The following ZNF860 variants were observed in gnomAD, a reference collection of about 807,000 sequenced individuals.
The protein encoded by ZNF860 is zinc finger protein 860.
For missense variants in ZNF860, 641 were observed against 759.2 expected (o/e 0.84, Z 1.83); for synonymous variants, 206 against 248.9 (o/e 0.83, Z 1.62).
downstream of ZNF860, among the ~76,000 whole-genome samples, chr3:31,995,235 T>C (rs1005306423): frequency 6.6e-6 from 1 of 152,126 alleles, no homozygotes; most frequent in Non-Finnish European, 1.5e-5. Context: ...GATTTCCCAA[T>C]CCTAGTAAGC....
rs1213021754 is a variant in ZNF860, at chr3:31,989,187, G to T, written c.108G>T (p.Glu36Asp). The T allele has an allele frequency of 1.2e-6, 2 of 1,614,168 alleles. No individual in the cohort carries two copies. The highest frequency in any genetic ancestry group is 1.7e-6 in the Non-Finnish European group (2 of 1,180,030). ...ATGTGGCTATAGAATTCTCTTTGGA[G>T]GAGTGGAAATGCCTGGACCCTACGC... is the stretch of plus-strand genomic sequence containing the variant. ...FRDVAIEFSL[E>D]EWKCLDPTQR... The change falls in exon 2 of 2, where the codon GAG becomes GAT. Residue 36 changes from glutamate (E) to aspartate (D), a missense_variant. Glu to Asp is a conservative substitution (Grantham distance 45). Transcript: ENST00000360311.
At chr3:31,994,358 G>C (rs917696440), downstream of ZNF860, among the ~76,000 whole-genome samples, 3 of 152,094 alleles carry the variant, frequency 2.0e-5, no homozygotes, top group Admixed American at 6.5e-5. Flanking sequence ...CTCATAGACT[G>C]TCCACCAAAA....
At position 31,991,531 on chromosome 3, in the gene ZNF860, A is replaced by C. The variant is rs1021786859; in HGVS notation, c.*553A>C. On this transcript the variant is annotated 3_prime_UTR_variant, in exon 2 of 2. Transcript: ENST00000360311. Reference sequence around the variant, plus strand: ...CTCTAGCAAATGGAAGTGTTTTCTTAATTTTCTTTTAACATTGTTTATTGT... The same window carrying C: ...CTCTAGCAAATGGAAGTGTTTTCTTCATTTTCTTTTAACATTGTTTATTGT... 1.2e-5 allele frequency: 2 copies of C among 166,706 alleles called. No individual in the cohort carries two copies. Among genetic ancestry groups the C allele is most frequent in the African/African-American group, 4.8e-5 (2 of 41,390 alleles). The allele number at this position is 166,706 out of a possible 1,614,324, so 10.3% of individuals were successfully genotyped here.
intron 1 of ZNF860, among the ~76,000 whole-genome samples, chr3:31,988,451 T>G (rs1460506031): frequency 1.3e-5 from 2 of 152,206 alleles, no homozygotes; most frequent in African/African-American, 4.8e-5. Flanking sequence ...TTCAAAGCTA[T>G]GCCTATAGAT....
chr3:31,997,533 G>C, the ZNF860 span, among the ~76,000 whole-genome samples: 1 of 151,886 alleles, frequency 6.6e-6, no homozygotes, highest in Admixed American at 6.6e-5. Context: ...AAAATGCTGG[G>C]ATTACAGCCA....
chr3:31,982,495 A>G (rs762832464), intron 1 of ZNF860, among the ~76,000 whole-genome samples: 18 of 152,190 alleles, frequency 1.2e-4, no homozygotes, highest in Non-Finnish European at 2.1e-4. Context: ...TCTCAAAGGG[A>G]CAGTTCCCCG....
downstream of ZNF860, among the ~76,000 whole-genome samples, chr3:31,994,614 C>G (rs1337292055): frequency 6.6e-6 from 1 of 152,062 alleles, no homozygotes; most frequent in South Asian, 2.1e-4. Context: ...GTGCAGATGT[C>G]TTTTCTATAC....
At chr3:31,984,283 G>A (rs1326394001) in intron 1 of ZNF860, among the ~76,000 whole-genome samples, 5 of 151,588 alleles carry the variant, frequency 3.3e-5, no homozygotes, top group African/African-American at 7.3e-5. Flanking sequence ...CTCGTGATCC[G>A]CCCACCTCGG....
Position 31,988,809 on chromosome 3 carries a change from T to C in ZNF860, c.-271T>C, listed in dbSNP as rs931701323. 4.0e-6 allele frequency: 2 copies of C among 503,838 alleles called. No individual in the cohort carries two copies. Among genetic ancestry groups the C allele is most frequent in the Admixed American group, 3.3e-5 (1 of 29,942 alleles). The allele number at this position is 503,838 out of a possible 1,614,324, so 31.2% of individuals were successfully genotyped here. ...CCTGCTAACAGCCATGTGAGTGACC[T>C]TGGAAGTAGGTTGTCACCAGTCAAG... On this transcript the variant is annotated 5_prime_UTR_variant, in exon 2 of 2. Transcript: ENST00000360311.
chr3:32,002,330 C>T, the ZNF860 span, among the ~76,000 whole-genome samples: 1 of 152,168 alleles, frequency 6.6e-6, no homozygotes, highest in Non-Finnish European at 1.5e-5. Flanking sequence ...AGAGACCACA[C>T]ACCAGGAGAA....
At position 31,989,127 on chromosome 3, in the gene ZNF860, C is replaced by T. The variant is rs1053697617; in HGVS notation, c.48C>T (p.Gly16=). ...AGAAGAGGAAAGAAAAGGAGCCAGGCATGGCTCTTCCTCAGGGACACTTGA... is the reference window on the plus strand; with the variant it reads ...AGAAGAGGAAAGAAAAGGAGCCAGGTATGGCTCTTCCTCAGGGACACTTGA... ...AAQKRKEKEP[G]MALPQGHLTF... Residue 16 remains glycine (G), a synonymous_variant, in exon 2 of 2, where the codon GGC becomes GGT. Coordinates refer to ENST00000360311, the MANE Select transcript of ZNF860 (RefSeq NM_001137674.3). The T allele has an allele frequency of 2.5e-6, 4 of 1,614,022 alleles. No individual in the cohort carries two copies. In the African/African-American group the frequency reaches 4.0e-5, roughly 16 times the overall value.
chr3:31,999,815 G>T, the ZNF860 span, among the ~76,000 whole-genome samples: 1 of 152,072 alleles, frequency 6.6e-6, no homozygotes, highest in Admixed American at 6.6e-5. Flanking sequence ...ATTCTGTTTT[G>T]TACTGAAACT....
Position 31,989,891 on chromosome 3 carries a change from G to A in ZNF860, c.812G>A (p.Arg271Gln), listed in dbSNP as rs577712964. ...DVCGKVFNQKRYLACHHRCHT... is the reference protein window; with the variant it reads ...DVCGKVFNQKQYLACHHRCHT... ...TGTGGCAAGGTCTTTAATCAGAAGC[G>A]ATACCTTGCATGCCATCATAGATGT... is the stretch of plus-strand genomic sequence containing the variant. Residue 271 changes from arginine (R) to glutamine (Q), a missense_variant, in exon 2 of 2, where the codon CGA (arginine) becomes CAA (glutamine). By Grantham distance (43) the Arg-to-Gln change is conservative (BLOSUM62 1). Transcript: ENST00000360311. 1.8e-5 allele frequency: 29 copies of A among 1,614,126 alleles called. No homozygotes were observed. The highest frequency in any genetic ancestry group is 6.7e-5 in the East Asian group (3 of 44,862).
chr3:31,985,888 A>G (rs577554046), intron 1 of ZNF860, among the ~76,000 whole-genome samples: 203 of 152,278 alleles, frequency 1.3e-3, no homozygotes, highest in African/African-American at 4.6e-3. Context: ...TACAGTTCTT[A>G]CTCCCATTTT....
the ZNF860 span, among the ~76,000 whole-genome samples, chr3:32,003,488 C>T: frequency 6.6e-6 from 1 of 152,156 alleles, no homozygotes; most frequent in African/African-American, 2.4e-5. Flanking sequence ...CCAGGCTAGC[C>T]TTTAACCAAT....
At chr3:31,993,705 C>CAA (rs1699060241), downstream of ZNF860, among the ~76,000 whole-genome samples, 1 of 151,608 alleles carries the variant, frequency 6.6e-6, no homozygotes. Flanking sequence ...CACACACACA[C>CAA]AAAACTGAGG....
rs1179289790 is a variant in ZNF860 at position 31,990,527 on chromosome 3, A to T, written c.1448A>T (p.Lys483Met). 6.2e-7 allele frequency: 1 copy of T among 1,612,760 alleles called. No individual in the cohort carries two copies. Among genetic ancestry groups the T allele is most frequent in the Non-Finnish European group, 8.5e-7 (1 of 1,179,824 alleles). Reference sequence around the variant, plus strand: ...ATTCATACTGGAGAGAAACCTTACAAGTGTAATGAGTGTGGCAAGACCTTC... The same window carrying T: ...ATTCATACTGGAGAGAAACCTTACATGTGTAATGAGTGTGGCAAGACCTTC... ...KAIHTGEKPY[K>M]CNECGKTFRH... Residue 483 changes from lysine to methionine, a missense_variant, in exon 2 of 2, where the codon AAG becomes ATG. Lys to Met is a moderately conservative substitution (Grantham distance 95). Transcript: ENST00000360311.
Position 31,988,963 on chromosome 3 carries a change from C to A in ZNF860, c.-117C>A. The A allele has an allele frequency of 7.2e-7, 1 of 1,384,534 alleles. No homozygotes were observed. Among genetic ancestry groups the A allele is most frequent in the Non-Finnish European group, 9.9e-7 (1 of 1,013,186 alleles). The allele number at this position is 1,384,534 out of a possible 1,614,324, so 85.8% of individuals were successfully genotyped here. On this transcript the variant is annotated 5_prime_UTR_variant, in exon 2 of 2. Coordinates refer to ENST00000360311, the MANE Select transcript of ZNF860 (RefSeq NM_001137674.3). ...ACTGTGAGATAATCAGTGTTTGTTG[C>A]CTTAAGCCACGAAGTTTGTGATAAT... is the stretch of plus-strand genomic sequence containing the variant.
the ZNF860 span, among the ~76,000 whole-genome samples, chr3:32,003,805 C>T: frequency 6.6e-6 from 1 of 152,068 alleles, no homozygotes; most frequent in East Asian, 1.9e-4. Flanking sequence ...CAAGGCTGTC[C>T]CTGGAGGTCA....
Sources: gnomAD v4.1 joint callset for allele counts (sites outside exome capture counted in the v4.1 genomes callset) on GRCh38, gnomAD v4.1.1 for gene constraint, MANE v1.5 for transcripts, NCBI Gene and HGNC (gene_info 2026-07-23, HGNC 2026-07-21) for gene names.